SEMA3A: variants seen among roughly 807,000 people sequenced by gnomAD.
SEMA3A encodes semaphorin-3A.
A neutral mutation model predicts 97.9 loss-of-function variants in SEMA3A; 29 were observed. The ratio of observed to expected loss-of-function variants is 0.30; its 90% CI spans 0.22 to 0.40. SEMA3A has a LOEUF of 0.40. SEMA3A is among the 10% of genes least tolerant of loss of function. The probability of loss-of-function intolerance (pLI) is 1.00; values close to 1 mark genes in which losing one functional copy is unlikely to be tolerated. For synonymous variants in SEMA3A, 321 were observed against 323.7 expected (o/e 0.99, Z 0.09); for missense variants, 763 against 951.3 (o/e 0.80, Z 2.60).
intron 15 of SEMA3A, among the ~76,000 whole-genome samples, chr7:83,965,160 C>T (rs1788621064): frequency 6.6e-6 from 1 of 151,332 alleles, no homozygotes; most frequent in African/African-American, 2.4e-5. Context: ...AGCATGGTCC[C>T]GATCTCCTGA....
At chr7:84,226,365 T>TA (rs1195255015) in intron 3 of SEMA3A, among the ~76,000 whole-genome samples, 1 of 151,870 alleles carries the variant, frequency 6.6e-6, no homozygotes, top group Non-Finnish European at 1.5e-5. Context: ...TTACAAAAAC[T>TA]AAAAAAACAG....
chr7:84,476,066 ATTT>A (rs1005294014), intron 1 of SEMA3A, among the ~76,000 whole-genome samples: 1 of 151,972 alleles, frequency 6.6e-6, no homozygotes, highest in Admixed American at 6.6e-5. Context: ...TTGTTTAAAA[ATTT>A]TTTTTGGCCA....
At chr7:84,087,473 C>T (rs1460953447) in intron 4 of SEMA3A, among the ~76,000 whole-genome samples, 2 of 152,126 alleles carry the variant, frequency 1.3e-5, no homozygotes, top group East Asian at 3.8e-4. Context: ...CACCATTAGT[C>T]CTCTGGTGCT....
chr7:84,155,097 A>G (rs975664313), intron 1 of SEMA3A, among the ~76,000 whole-genome samples: 2 of 152,082 alleles, frequency 1.3e-5, no homozygotes, highest in East Asian at 3.9e-4. Flanking sequence ...ATTTTACAAA[A>G]GCAGCTGTTT....
At chr7:84,194,429 G>A in intron 1 of SEMA3A, 46 bp downstream of exon 1, 1 of 1,257,204 alleles carries the variant, frequency 8.0e-7, no homozygotes. Flanking sequence ...TAAGGGGGGG[G>A]GCGGTTATTA....
chr7:84,040,993 A>C (rs1792116394), intron 6 of SEMA3A, among the ~76,000 whole-genome samples: 1 of 152,058 alleles, frequency 6.6e-6, no homozygotes, highest in Non-Finnish European at 1.5e-5. Context: ...GAAATTCAAA[A>C]TTTTCTGCCT....
intron 1 of SEMA3A, among the ~76,000 whole-genome samples, chr7:84,492,082 G>A (rs371333190): frequency 6.6e-6 from 1 of 152,072 alleles, no homozygotes; most frequent in Admixed American, 6.6e-5. Flanking sequence ...TTTTCAAGAA[G>A]GGTATGTGCT....
intron 1 of SEMA3A, among the ~76,000 whole-genome samples, chr7:84,391,008 G>A (rs924363727): frequency 6.6e-6 from 1 of 152,094 alleles, no homozygotes; most frequent in Non-Finnish European, 1.5e-5. Context: ...CCTGTAGCTT[G>A]CAATCCAGGG....
At chr7:84,223,097 T>C (rs191362138) in intron 3 of SEMA3A, among the ~76,000 whole-genome samples, 2 of 151,950 alleles carry the variant, frequency 1.3e-5, no homozygotes, top group East Asian at 3.9e-4. Flanking sequence ...TAAGAAAAGA[T>C]TTGCACCTTC....
At chr7:84,401,414 T>C (rs973750090) in intron 1 of SEMA3A, among the ~76,000 whole-genome samples, 1 of 151,568 alleles carries the variant, frequency 6.6e-6, no homozygotes, top group African/African-American at 2.4e-5. Context: ...TGTGTTAAAA[T>C]GTTGATGATA....
chr7:84,293,332 T>C (rs769758467), intron 3 of SEMA3A, among the ~76,000 whole-genome samples: 4 of 152,050 alleles, frequency 2.6e-5, no homozygotes, highest in Non-Finnish European at 5.9e-5. Context: ...GGAGTTGGAA[T>C]TGCTTTCTCA....
chr7:84,109,305 C>T (rs764117), intron 4 of SEMA3A, among the ~76,000 whole-genome samples: 73,425 of 151,928 alleles, frequency 0.48, 19,047 homozygotes, highest in East Asian at 0.69. Context: ...AGTCTGTCAG[C>T]ATAAATACTA....
At chr7:84,482,159 T>G (rs948824456) in intron 1 of SEMA3A, among the ~76,000 whole-genome samples, 2 of 151,996 alleles carry the variant, frequency 1.3e-5, no homozygotes, top group Admixed American at 1.3e-4. Context: ...AGTTAAAATA[T>G]TGAGGTAGTG....
intron 5 of SEMA3A, among the ~76,000 whole-genome samples, chr7:84,055,378 C>T (rs1338562738): frequency 6.6e-6 from 1 of 152,190 alleles, no homozygotes; most frequent in Non-Finnish European, 1.5e-5. Flanking sequence ...TAGGACCCTC[C>T]CAGCCAGGTG....
At chr7:84,055,981 A>T (rs2115659409) in intron 5 of SEMA3A, among the ~76,000 whole-genome samples, 1 of 152,312 alleles carries the variant, frequency 6.6e-6, no homozygotes, top group South Asian at 2.1e-4. Context: ...GTCTACATTA[A>T]AAGGTGGTTG....
intron 3 of SEMA3A, among the ~76,000 whole-genome samples, chr7:84,249,119 G>C (rs1243080403): frequency 6.6e-6 from 1 of 152,172 alleles, no homozygotes; most frequent in East Asian, 1.9e-4. Flanking sequence ...CAGTCCTCTG[G>C]CTCCTCAAGT....
chr7:84,318,507 A>G (rs190645863), intron 2 of SEMA3A, among the ~76,000 whole-genome samples: 3,974 of 151,494 alleles, frequency 0.026, 177 homozygotes, highest in African/African-American at 0.091. Context: ...TATTTTTAGT[A>G]GAGACGGGGT....
chr7:84,236,836 A>G (rs1480082184), intron 3 of SEMA3A, among the ~76,000 whole-genome samples: 1 of 152,112 alleles, frequency 6.6e-6, no homozygotes, highest in African/African-American at 2.4e-5. Context: ...CTGAGGTAGA[A>G]AATATTTCAG....
At chr7:84,277,830 C>T (rs1800346015) in intron 3 of SEMA3A, among the ~76,000 whole-genome samples, 1 of 152,014 alleles carries the variant, frequency 6.6e-6, no homozygotes, top group South Asian at 2.1e-4. Flanking sequence ...CTCTGAAATG[C>T]CTTGGAGGCC....
Sources: allele counts gnomAD v4.1 joint callset (sites outside exome capture counted in the v4.1 genomes callset), GRCh38; gene constraint gnomAD v4.1.1; transcripts MANE v1.5; gene names NCBI Gene and HGNC (gene_info 2026-07-23, HGNC 2026-07-21).